The following STARD13 variants were observed in gnomAD, a reference collection of about 807,000 sequenced individuals.
STARD13 encodes StAR related lipid transfer domain containing 13, also known as stAR-related lipid transfer protein 13.
A neutral mutation model predicts 106.4 loss-of-function variants in STARD13; 62 were observed. The observed-to-expected ratio is 0.58, with a 90% CI of 0.48 to 0.72. The LOEUF is 0.72. STARD13 is among the 30% of genes least tolerant of loss of function. The pLI is 0.00. For missense variants in STARD13, 1,387 were observed against 1,424.0 expected, an observed-to-expected ratio of 0.97 and a Z score of 0.42; for synonymous variants, 565 against 553.0, an observed-to-expected ratio of 1.02 and a Z score of -0.31.
At chr13:33,421,748 C>T in the STARD13 span, among the ~76,000 whole-genome samples, 16 of 152,248 alleles carry the variant, frequency 1.1e-4, no homozygotes, top group Admixed American at 7.9e-4. Context: ...TTATCCACCA[C>T]GATCAAGGTG....
At position 33,142,357 on chromosome 13, in the gene STARD13, T is replaced by C. The variant is rs1160158718; in HGVS notation, c.340A>G (p.Asn114Asp). The C allele has an allele frequency of 1.2e-6, 2 of 1,614,058 alleles. No homozygotes were observed. Among genetic ancestry groups the C allele is most frequent in the East Asian group, 4.5e-5 (2 of 44,880 alleles). The change falls in exon 4 of 14, where the codon AAC becomes GAC. Residue 114 changes from asparagine (N) to aspartate (D), a missense_variant. Transcript: ENST00000336934. ...EPLCRRLNTL[N>D]KCASMKLDVN... ...TCAAGTTTCATTGAGGCACACTTGT[T>C]CAACGTATTTAGTCGTCTAAAAGGA...
At chr13:33,653,484 G>T in the STARD13 span, among the ~76,000 whole-genome samples, 107 of 152,206 alleles carry the variant, frequency 7.0e-4, no homozygotes, top group Admixed American at 1.2e-3. Flanking sequence ...ATTTGCAAAA[G>T]AATGAAGTTG....
downstream of STARD13, among the ~76,000 whole-genome samples, chr13:33,346,977 C>T (rs898092889): frequency 6.6e-6 from 1 of 152,016 alleles, no homozygotes; most frequent in Non-Finnish European, 1.5e-5. Context: ...GAACACTGTT[C>T]CATTGACTAA....
chr13:33,403,550 T>G, the STARD13 span, among the ~76,000 whole-genome samples: 1 of 152,226 alleles, frequency 6.6e-6, no homozygotes, highest in African/African-American at 2.4e-5. Context: ...CACTTGTAGA[T>G]AGCATGGTAT....
the STARD13 span, among the ~76,000 whole-genome samples, chr13:33,405,726 A>T: frequency 6.6e-6 from 1 of 152,256 alleles, no homozygotes; most frequent in Non-Finnish European, 1.5e-5. Context: ...GGCATAGCCC[A>T]CCCAGCAAGG....
In STARD13 at chr13:33,130,365, CCCTGTGTGGT is replaced by C; in HGVS notation, c.388-86_388-77del. Reference sequence around the variant, plus strand: ...GGAACTCTGGGTGCTCTGAGGGCAGCCCTGTGTGGTCCTCCACCTCCCTCCCCTCTGTCCT... The same window carrying C: ...GGAACTCTGGGTGCTCTGAGGGCAGCCCTCCACCTCCCTCCCCTCTGTCCT... On this transcript the variant is annotated intron_variant, in intron 4 of 13. Coordinates refer to ENST00000336934, the MANE Select transcript of STARD13 (RefSeq NM_178006.4). The surrounding 1 kb of genome is among the most constrained non-coding windows in gnomAD (Gnocchi z 4.1). 4.1e-6 allele frequency: 6 copies of C among 1,452,078 alleles called. No homozygotes were observed. The highest frequency in any genetic ancestry group is 5.6e-6 in the Non-Finnish European group (6 of 1,070,084). 89.9% of individuals were successfully genotyped at this position (1,452,078 alleles called of 1,614,324 possible). A position where few individuals can be genotyped will look rare whatever the true frequency, so the allele number is the denominator to read the frequency against.
At chr13:33,349,392 C>G (rs769567610) in intron 1 of STARD13, among the ~76,000 whole-genome samples, 2 of 152,174 alleles carry the variant, frequency 1.3e-5, no homozygotes, top group Non-Finnish European at 2.9e-5. Flanking sequence ...TGGCCACGTT[C>G]CCTTATTGGG....
chr13:33,512,977 A>G, the STARD13 span, among the ~76,000 whole-genome samples: 1 of 152,160 alleles, frequency 6.6e-6, no homozygotes, highest in Non-Finnish European at 1.5e-5. Flanking sequence ...AATGTGTGGT[A>G]CTTTGTTATG....
At chr13:33,167,729 G>A (rs1055927540) in intron 1 of STARD13, 107 bp from the exon 2 acceptor site, 8 of 1,165,284 alleles carry the variant, frequency 6.9e-6, no homozygotes, top group Non-Finnish European at 1.0e-5. Context: ...TTATTACAAA[G>A]CAAAATTGTT....
the STARD13 span, among the ~76,000 whole-genome samples, chr13:33,390,699 C>T: frequency 6.6e-6 from 1 of 152,122 alleles, no homozygotes; most frequent in Non-Finnish European, 1.5e-5. Context: ...AGCGAGCTCC[C>T]ATTCTAGCTC....
chr13:33,221,712 G>A (rs535077432), intron 1 of STARD13, among the ~76,000 whole-genome samples: 5 of 152,286 alleles, frequency 3.3e-5, no homozygotes, highest in African/African-American at 1.2e-4. Context: ...GATAACTTCT[G>A]TCTCAAAGAG....
intron 1 of STARD13, among the ~76,000 whole-genome samples, chr13:33,183,730 C>T (rs1479801650): frequency 2.6e-5 from 4 of 152,096 alleles, no homozygotes; most frequent in Non-Finnish European, 5.9e-5. Context: ...AGGGCAGTTC[C>T]GGTGATGAAC....
intron 1 of STARD13, among the ~76,000 whole-genome samples, chr13:33,223,007 G>T (rs1309984223): frequency 1.3e-5 from 2 of 152,250 alleles, no homozygotes; most frequent in African/African-American, 4.8e-5. Flanking sequence ...CAAAGGAAAA[G>T]AAGGGTTAGG....
chr13:33,105,754 C>A, intron 13 of STARD13, 44 bp from the exon 14 acceptor site: 1 of 1,513,772 alleles, frequency 6.6e-7, no homozygotes, highest in Non-Finnish European at 9.2e-7. Context: ...AGTTTGTTTC[C>A]AAATCACAGC....
At chr13:33,364,946 G>A in the STARD13 span, among the ~76,000 whole-genome samples, 2 of 152,232 alleles carry the variant, frequency 1.3e-5, no homozygotes, top group Non-Finnish European at 2.9e-5. Context: ...AAAGGTAGCT[G>A]TTACATGAAA....
At chr13:33,395,607 A>G in the STARD13 span, among the ~76,000 whole-genome samples, 1 of 152,182 alleles carries the variant, frequency 6.6e-6, no homozygotes, top group Admixed American at 6.5e-5. Flanking sequence ...AATGAATGAC[A>G]GACCCTTCCC....
At chr13:33,123,836 C>T (rs543008081) in intron 7 of STARD13, among the ~76,000 whole-genome samples, 3 of 152,322 alleles carry the variant, frequency 2.0e-5, no homozygotes, top group African/African-American at 4.8e-5. Context: ...AAGGGCCCAT[C>T]GCACTGCAGG....
At chr13:33,139,106 G>T (rs1879469393) in intron 4 of STARD13, among the ~76,000 whole-genome samples, 1 of 152,222 alleles carries the variant, frequency 6.6e-6, no homozygotes, top group African/African-American at 2.4e-5. Flanking sequence ...CTTTAGTACA[G>T]ATGGCAAGAA....
the STARD13 span, among the ~76,000 whole-genome samples, chr13:33,415,237 G>A: frequency 8.5e-5 from 13 of 152,106 alleles, no homozygotes; most frequent in African/African-American, 2.4e-4. Flanking sequence ...GCGTGGTGGC[G>A]GGCGCCTGTA....
Sources: gnomAD v4.1 joint callset for allele counts (sites outside exome capture counted in the v4.1 genomes callset) on GRCh38, gnomAD v4.1.1 for gene constraint, Gnocchi (gnomAD v3.1) non-coding constraint, MANE v1.5 for transcripts, NCBI Gene and HGNC (gene_info 2026-07-23, HGNC 2026-07-21) for gene names.